MYLK: variants seen among roughly 807,000 people sequenced by gnomAD.
The protein encoded by MYLK is myosin light chain kinase, also known as myosin light chain kinase, smooth muscle.
A neutral mutation model predicts 203.4 loss-of-function variants in MYLK; 106 were observed. That is an observed-to-expected ratio of 0.52 (90% confidence interval 0.45 to 0.61). The LOEUF is 0.61. MYLK is among the 20% of genes least tolerant of loss of function. The pLI, the probability that MYLK is intolerant of heterozygous loss-of-function variation, is 0.00. For missense variants in MYLK, 2,072 were observed against 2,442.3 expected (o/e 0.85, Z 3.20); for synonymous variants, 867 against 959.5 (o/e 0.90, Z 1.78).
At chr3:123,752,118 A>G (rs1277308000) in intron 5 of MYLK, among the ~76,000 whole-genome samples, 3 of 152,028 alleles carry the variant, frequency 2.0e-5, no homozygotes, top group African/African-American at 7.3e-5. Context: ...GACAGGTGAT[A>G]CCTAGTTTGA....
chr3:123,748,267 G>C (rs1261189518), intron 5 of MYLK, among the ~76,000 whole-genome samples: 1 of 152,156 alleles, frequency 6.6e-6, no homozygotes, highest in Admixed American at 6.5e-5. Context: ...CATCACCAAG[G>C]GGATGGTATT....
At chr3:123,879,437 T>C (rs12633206) in intron 1 of MYLK, among the ~76,000 whole-genome samples, 15,237 of 151,988 alleles carry the variant, frequency 0.1, 1,190 homozygotes, top group East Asian at 0.36. Context: ...GGCAAATGCT[T>C]ACCCTCCCTT....
chr3:123,651,563 T>C (rs747180552), intron 24 of MYLK, among the ~76,000 whole-genome samples: 1 of 152,154 alleles, frequency 6.6e-6, no homozygotes, highest in Non-Finnish European at 1.5e-5. Context: ...TGCCACATTT[T>C]CCCGGCGTGG....
chr3:123,729,836 C>T (rs1288401321), intron 11 of MYLK, among the ~76,000 whole-genome samples: 1 of 151,214 alleles, frequency 6.6e-6, no homozygotes, highest in African/African-American at 2.4e-5. Flanking sequence ...GAGCTATTAT[C>T]ACGCCACTGC....
chr3:123,820,664 CTCCTTCCT>C (rs1338808453), intron 3 of MYLK, among the ~76,000 whole-genome samples: 1 of 72,368 alleles, frequency 1.4e-5, no homozygotes, highest in Admixed American at 1.7e-4. Flanking sequence ...CCTTCCTTCC[CTCCTTCCT>C]TCCTTCCTTC....
At chr3:123,758,024 A>C (rs755344068) in intron 4 of MYLK, among the ~76,000 whole-genome samples, 7 of 151,930 alleles carry the variant, frequency 4.6e-5, no homozygotes, top group Non-Finnish European at 7.4e-5. Flanking sequence ...GTATAAGCTC[A>C]CTCAGATAAT....
chr3:123,824,442 G>A (rs1163371167), intron 3 of MYLK, among the ~76,000 whole-genome samples: 1 of 152,208 alleles, frequency 6.6e-6, no homozygotes, highest in East Asian at 1.9e-4. Context: ...TGTTCCACTA[G>A]AATGAAAATT....
chr3:123,824,831 G>A (rs1396492541), intron 3 of MYLK, among the ~76,000 whole-genome samples: 1 of 152,036 alleles, frequency 6.6e-6, no homozygotes, highest in African/African-American at 2.4e-5. Flanking sequence ...ATCAAAAGCA[G>A]AATGATCATC....
At chr3:123,865,669 G>A (rs994025749) in intron 2 of MYLK, among the ~76,000 whole-genome samples, 1 of 152,210 alleles carries the variant, frequency 6.6e-6, no homozygotes, top group African/African-American at 2.4e-5. Flanking sequence ...TGATCTGAAG[G>A]TGGCAGATTT....
intron 22 of MYLK, among the ~76,000 whole-genome samples, chr3:123,665,981 T>G (rs1049954295): frequency 1.3e-5 from 2 of 152,182 alleles, no homozygotes; most frequent in African/African-American, 4.8e-5. Flanking sequence ...ACTTTTCCCC[T>G]CACACTTCTA....
At chr3:123,721,277 G>A (rs1004953271) in intron 13 of MYLK, among the ~76,000 whole-genome samples, 4 of 152,162 alleles carry the variant, frequency 2.6e-5, no homozygotes, top group African/African-American at 9.7e-5. Flanking sequence ...TGTCTGATGG[G>A]AGACCAGTCA....
intron 4 of MYLK, among the ~76,000 whole-genome samples, chr3:123,785,268 G>T (rs1429967998): frequency 1.3e-5 from 2 of 152,216 alleles, no homozygotes; most frequent in Non-Finnish European, 2.9e-5. Flanking sequence ...TTGTCAGGAA[G>T]GGAAGTTAAG....
At chr3:123,628,400 C>T (rs186933570) in intron 30 of MYLK, among the ~76,000 whole-genome samples, 42 of 152,320 alleles carry the variant, frequency 2.8e-4, no homozygotes, top group Non-Finnish European at 5.0e-4. Flanking sequence ...GCCTCCTGCC[C>T]GCCCTGGAGC....
chr3:123,850,800 T>C (rs1387232412), intron 2 of MYLK, among the ~76,000 whole-genome samples: 1 of 152,220 alleles, frequency 6.6e-6, no homozygotes, highest in African/African-American at 2.4e-5. Context: ...TTTGGTGTTT[T>C]AGACATGAAG....
At chr3:123,857,842 A>G (rs2031549296) in intron 2 of MYLK, among the ~76,000 whole-genome samples, 1 of 152,116 alleles carries the variant, frequency 6.6e-6, no homozygotes, top group African/African-American at 2.4e-5. Context: ...ATTGTGTGTC[A>G]TGGGCTATGG....
In MYLK at chr3:123,666,361, G is replaced by A. The variant is rs376443869; in HGVS notation, c.3704-15C>T. On this transcript the variant is annotated splice_polypyrimidine_tract_variant and intron_variant, in intron 21 of 33. Transcript: ENST00000360304. ...AGGGGGCATTGCTGAGGGAGGACAG[G>A]GAGAAAGTGAGCGAGGCAGAAGGGT... is the stretch of plus-strand genomic sequence containing the variant. 1.6e-5 allele frequency: 26 copies of A among 1,614,036 alleles called. No individual in the cohort carries two copies. The African/African-American group carries it at 3.1e-4, about 19-fold the overall frequency.
intron 3 of MYLK, among the ~76,000 whole-genome samples, chr3:123,825,487 C>G (rs1052489135): frequency 1.1e-4 from 16 of 152,214 alleles, no homozygotes; most frequent in Non-Finnish European, 1.5e-5. Flanking sequence ...ACAGGAGAAT[C>G]CCACAGTCCT....
chr3:123,721,891 A>G (rs537504237), intron 13 of MYLK, among the ~76,000 whole-genome samples: 62 of 149,772 alleles, frequency 4.1e-4, no homozygotes, highest in Non-Finnish European at 7.4e-4. Context: ...CATCTCCCTC[A>G]CTTCCTACCT....
intron 7 of MYLK, 107 bp downstream of exon 7, chr3:123,738,790 T>C: frequency 6.9e-7 from 1 of 1,449,698 alleles, no homozygotes; most frequent in Non-Finnish European, 9.4e-7. Context: ...GGTGAGTCCA[T>C]TAAACCTCTT....
Sources: gnomAD v4.1 joint callset for allele counts (sites outside exome capture counted in the v4.1 genomes callset) on GRCh38, gnomAD v4.1.1 for gene constraint, MANE v1.5 for transcripts, NCBI Gene and HGNC (gene_info 2026-07-23, HGNC 2026-07-21) for gene names.